Variants in PASD1 observed in about 807,000 individuals in gnomAD.
The protein encoded by PASD1 is PAS domain containing repressor 1, also known as circadian clock protein PASD1.
In PASD1, 13 loss-of-function variants were observed where a neutral mutation model predicts 58.8. The observed-to-expected ratio is 0.22, with a 90% CI of 0.14 to 0.35. PASD1 has a LOEUF of 0.35. PASD1 is among the 10% of genes least tolerant of loss of function. The pLI, the probability that PASD1 is intolerant of heterozygous loss-of-function variation, is 1.00. For missense variants in PASD1, 734 were observed against 568.3 expected (o/e 1.29, Z -2.96); for synonymous variants, 236 against 216.7 (o/e 1.09, Z -0.78).
intron 4 of PASD1, among the ~76,000 whole-genome samples, chrX:151,615,672 A>G (rs2013629154): frequency 8.9e-6 from 1 of 111,783 alleles, no homozygotes; most frequent in Non-Finnish European, 1.9e-5. Context: ...GGCTCCAGGA[A>G]TCTTCAGTTT....
intron 8 of PASD1, among the ~76,000 whole-genome samples, chrX:151,628,031 C>T (rs62609291): frequency 0.041 from 4,607 of 111,156 alleles, 83 homozygotes; most frequent in Middle Eastern, 0.089. Flanking sequence ...TCATATCCTT[C>T]GCCCACTTGT....
intron 5 of PASD1, among the ~76,000 whole-genome samples, 157 bp downstream of exon 5, chrX:151,621,186 TA>T (rs535034789): frequency 6.3e-5 from 7 of 111,166 alleles, no homozygotes; most frequent in African/African-American, 2.0e-4. Context: ...TTTCTAGTGT[TA>T]AAAAAATCTC....
intron 6 of PASD1, among the ~76,000 whole-genome samples, chrX:151,622,244 AAATT>A (rs776781819): frequency 3.6e-5 from 4 of 111,161 alleles, no homozygotes; most frequent in Non-Finnish European, 7.5e-5. Context: ...AAATTAACAT[AAATT>A]AATTAATATT....
At chrX:151,567,968 GC>G (rs1308659220) in intron 1 of PASD1, among the ~76,000 whole-genome samples, 1 of 111,569 alleles carries the variant, frequency 9.0e-6, no homozygotes, top group Non-Finnish European at 1.9e-5. Flanking sequence ...CAAGTGATCT[GC>G]CCACCTCGGC....
chrX:151,584,232 G>A (rs749204240), intron 1 of PASD1, among the ~76,000 whole-genome samples: 1 of 111,620 alleles, frequency 9.0e-6, no homozygotes, highest in East Asian at 2.8e-4. Context: ...AAAAGCAGAA[G>A]CTTTTCTTTT....
At chrX:151,657,905 T>C (rs1374961761) in intron 9 of PASD1, among the ~76,000 whole-genome samples, 2 of 110,361 alleles carry the variant, frequency 1.8e-5, no homozygotes, top group African/African-American at 6.6e-5. Context: ...CAATCTGCTG[T>C]CTTGATTGGA....
intron 1 of PASD1, among the ~76,000 whole-genome samples, chrX:151,574,491 G>A (rs145053812): frequency 0.01 from 1,170 of 111,993 alleles, 9 homozygotes; most frequent in Middle Eastern, 0.05. Flanking sequence ...GGAGAAGGAA[G>A]CTGAGGAAAA....
intron 9 of PASD1, among the ~76,000 whole-genome samples, chrX:151,655,949 T>C (rs968514476): frequency 3.6e-5 from 4 of 112,183 alleles, no homozygotes; most frequent in Non-Finnish European, 5.6e-5. Flanking sequence ...TCCTGAATGG[T>C]AATGCCTAGG....
At chrX:151,600,930 T>A (rs1438481970) in intron 1 of PASD1, among the ~76,000 whole-genome samples, 2 of 112,495 alleles carry the variant, frequency 1.8e-5, no homozygotes, top group Non-Finnish European at 3.8e-5. Flanking sequence ...TGGGATGCCA[T>A]TGACATCTAC....
intron 9 of PASD1, among the ~76,000 whole-genome samples, chrX:151,653,379 A>G: frequency 9.2e-6 from 1 of 109,029 alleles, no homozygotes; most frequent in Non-Finnish European, 1.9e-5. Flanking sequence ...ATTAGTAGAG[A>G]CGGGGTTTCA....
rs779455239 is a variant in PASD1, at chrX:151,629,193, C to T, written c.629+3663C>T. On this transcript the variant is annotated intron_variant, in intron 8 of 15. Coordinates refer to ENST00000370357, the MANE Select transcript of PASD1 (RefSeq NM_173493.3). ...GGAATGCAGTGGTGCAATCTCGGCT[C>T]GCTGCAACCTCCACCTGCCGGGTTC... Among the ~76,000 whole-genome samples the T allele has an allele frequency of 1.9e-4, 21 of 111,187 alleles. No homozygotes were observed. In the East Asian group the frequency reaches 4.8e-3, roughly 25 times the overall value.
At chrX:151,608,252 T>G (rs994340862) in intron 3 of PASD1, among the ~76,000 whole-genome samples, 1 of 111,901 alleles carries the variant, frequency 8.9e-6, no homozygotes, top group Non-Finnish European at 1.9e-5. Flanking sequence ...GTCAATTGGG[T>G]GGGAATGGAA....
chrX:151,653,278 C>T (rs373896904), intron 9 of PASD1, among the ~76,000 whole-genome samples: 2 of 108,321 alleles, frequency 1.8e-5, no homozygotes, highest in Non-Finnish European at 3.8e-5. Flanking sequence ...CTGCAACCTC[C>T]GCCTCCCAGG....
At chrX:151,656,868 G>T (rs979463859) in intron 9 of PASD1, among the ~76,000 whole-genome samples, 21 of 111,508 alleles carry the variant, frequency 1.9e-4, no homozygotes, top group Admixed American at 9.5e-4. Flanking sequence ...CTGCCTGATT[G>T]CCCTGGCCAG....
chrX:151,573,967 C>G (rs1031017845), intron 1 of PASD1, among the ~76,000 whole-genome samples: 5 of 112,002 alleles, frequency 4.5e-5, no homozygotes, highest in Non-Finnish European at 9.4e-5. Context: ...CTTGTATTTC[C>G]CCTTTACTAA....
chrX:151,664,431 C>T, intron 11 of PASD1, 83 bp downstream of exon 11: 1 of 1,147,198 alleles, frequency 8.7e-7, no homozygotes, highest in Non-Finnish European at 1.2e-6. Context: ...CTCTTGTGAC[C>T]AGTTTCACTT....
At chrX:151,614,895 T>G (rs943229639) in intron 4 of PASD1, among the ~76,000 whole-genome samples, 3 of 112,140 alleles carry the variant, frequency 2.7e-5, no homozygotes, top group African/African-American at 9.7e-5. Context: ...TCTCTTTCAT[T>G]TTTTAAAAAA....
At position 151,671,170 on chromosome X, in the gene PASD1, T is replaced by G; in HGVS notation, c.1204T>G (p.Leu402Val). 8.3e-7 allele frequency: 1 copy of G among 1,211,112 alleles called. No individual in the cohort carries two copies. The stretch of plus-strand genomic sequence containing the variant: ...TGCCATCCAAAACCAGCAGAATGCA[T>G]TGGAATTGATGATGGATCACCTTCA... Reference protein sequence around the residue: ...HDAIQNQQNALELMMDHLQKQ... With the variant: ...HDAIQNQQNAVELMMDHLQKQ... Residue 402 changes from leucine to valine, a missense_variant, in exon 12 of 16, where the codon TTG becomes GTG. Leu to Val is a conservative substitution (Grantham distance 32). Coordinates refer to ENST00000370357, the MANE Select transcript of PASD1 (RefSeq NM_173493.3).
chrX:151,628,803 T>C (rs184864276), intron 8 of PASD1, among the ~76,000 whole-genome samples: 40 of 112,121 alleles, frequency 3.6e-4, no homozygotes, highest in African/African-American at 1.3e-3. Flanking sequence ...TTTCACAATA[T>C]TGATTATTCC....
Sources: gnomAD v4.1 joint callset for allele counts (sites outside exome capture counted in the v4.1 genomes callset) on GRCh38, gnomAD v4.1.1 for gene constraint, MANE v1.5 for transcripts, NCBI Gene and HGNC (gene_info 2026-07-23, HGNC 2026-07-21) for gene names.